The following AVIL variants were observed in gnomAD, a reference collection of about 807,000 sequenced individuals.
AVIL encodes the protein advillin.
Under a neutral mutation model 109.9 loss-of-function variants are expected in AVIL, and 78 were observed. The ratio of observed to expected loss-of-function variants is 0.71; its 90% CI spans 0.59 to 0.86. The LOEUF is 0.86. Among genes scored for constraint, AVIL ranks in the 40% least tolerant of loss-of-function variants. The pLI is 0.00. For missense variants in AVIL, 892 were observed against 1,016.5 expected (o/e 0.88, Z 1.67); for synonymous variants, 367 against 379.1 (o/e 0.97, Z 0.37).
In AVIL at chr12:57,807,590, C is replaced by G. The variant is rs747239856; in HGVS notation, c.1332G>C (p.Gln444His). Residue 444 changes from glutamine to histidine, a missense_variant and splice_region_variant, in exon 12 of 20, where the codon CAG becomes CAC. Physicochemically the swap from Gln to His is conservative, Grantham distance 24. Transcript: ENST00000549994. The part of the protein sequence containing the change: ...GKPHHILYIW[Q>H]GRHASQDELA... ...AAGCTGAAGCCTGTGCCAGGCCTACCTGCCAGATGTACAAGATGTGATGTG... is the reference window on the plus strand; with the variant it reads ...AAGCTGAAGCCTGTGCCAGGCCTACGTGCCAGATGTACAAGATGTGATGTG... The G allele has an allele frequency of 6.2e-7, 1 of 1,614,246 alleles. No individual in the cohort carries two copies. Among genetic ancestry groups the G allele is most frequent in the Non-Finnish European group, 8.5e-7 (1 of 1,180,044 alleles).
intron 17 of AVIL, 128 bp downstream of exon 17, chr12:57,802,032 T>A: frequency 9.5e-7 from 1 of 1,054,682 alleles, no homozygotes; most frequent in Non-Finnish European, 1.3e-6. Context: ...AGGCAGGGAG[T>A]GGGATGGGAG....
At position 57,808,326 on chromosome 12, in the gene AVIL, A is replaced by C. The variant is rs780398015; in HGVS notation, c.1094-32T>G. ...AGAAAGGGTTGGGAAAAGCCGAGTG[A>C]GTAAGAAGCATCTGTGCCTGCTTTT... On this transcript the variant is annotated intron_variant, in intron 10 of 19. Transcript: ENST00000549994. 21 of 1,614,024 alleles carry C rather than the reference A, an allele frequency of 1.3e-5. 1 individual carries two copies. In the South Asian group the frequency reaches 2.3e-4, roughly 18 times the overall value.
At chr12:57,800,055 T>G in intron 18 of AVIL, 135 bp from the exon 19 acceptor site, 2 of 1,178,466 alleles carry the variant, frequency 1.7e-6, no homozygotes, top group Non-Finnish European at 2.4e-6. Context: ...ATAACAATGC[T>G]CCCCAAACCT....
At position 57,813,252 on chromosome 12, in the gene AVIL, G is replaced by A. The variant is rs200470660; in HGVS notation, c.313C>T (p.Arg105Cys). 1.1e-5 allele frequency: 17 copies of A among 1,613,218 alleles called. No individual in the cohort carries two copies. Among genetic ancestry groups the A allele is most frequent in the East Asian group, 4.5e-5 (2 of 44,842 alleles). The stretch of plus-strand genomic sequence containing the variant: ...ATGATGCCCTGCTTGAAGTAGCCAC[G>A]GAAAGTGTCTGACTCATGGTACTGG... ...EVQYHESDTF[R>C]GYFKQGIIYK... is the part of the protein sequence containing the mutation. The change falls in exon 4 of 20, where the codon CGT becomes TGT. Residue 105 changes from arginine (R) to cysteine (C), a missense_variant. Transcript: ENST00000549994.
At chr12:57,810,988 G>C in intron 5 of AVIL, 31 bp downstream of exon 5, 1 of 1,612,496 alleles carries the variant, frequency 6.2e-7, no homozygotes. Context: ...GAGAAGCCCC[G>C]GGCCTGGGGC....
intron 18 of AVIL, 114 bp from the exon 19 acceptor site, chr12:57,800,034 A>T: frequency 9.0e-6 from 12 of 1,336,738 alleles, no homozygotes; most frequent in Non-Finnish European, 1.2e-5. Flanking sequence ...CACCCTCTGT[A>T]ATCATCTTTG....
rs141483208 is a variant in AVIL, at chr12:57,807,375, G to A, written c.1447C>T (p.Arg483Cys). Residue 483 changes from arginine (R) to cysteine (C), a missense_variant, in exon 13 of 20, where the codon CGC (arginine) becomes TGC (cysteine). Coordinates refer to ENST00000549994, the MANE Select transcript of AVIL (RefSeq NM_006576.4). ...QVRVRMGTEPRHFMAIFKGKL... is the reference protein window; with the variant it reads ...QVRVRMGTEPCHFMAIFKGKL... Reference sequence around the variant, plus strand: ...CCTTTGAAGATGGCCATGAAGTGGCGTGGCTCCGTTCCCATCCTGACTCGA... The same window carrying A: ...CCTTTGAAGATGGCCATGAAGTGGCATGGCTCCGTTCCCATCCTGACTCGA... 2.2e-5 allele frequency: 35 copies of A among 1,614,068 alleles called. No homozygotes were observed. The highest frequency in any genetic ancestry group is 1.6e-4 in the Middle Eastern group (1 of 6,084).
chr12:57,809,481 A>C, intron 9 of AVIL, 116 bp downstream of exon 9: 2 of 1,206,334 alleles, frequency 1.7e-6, no homozygotes, highest in Non-Finnish European at 1.2e-6. Context: ...TTTGCAGTCC[A>C]TGTACGTAAG....
In AVIL at chr12:57,807,503, A is replaced by G. The variant is rs1481244007; in HGVS notation, c.1333-14T>C. On this transcript the variant is annotated splice_polypyrimidine_tract_variant and intron_variant, in intron 12 of 19. Transcript: ENST00000549994. ...GGCGTGGCGGCCCTGCAATGGTGAG[A>G]GGCCATGAAGGACCCATGCTCCCCG... The G allele has an allele frequency of 6.2e-7, 1 of 1,614,224 alleles. No individual in the cohort carries two copies. Among genetic ancestry groups the G allele is most frequent in the Non-Finnish European group, 8.5e-7 (1 of 1,180,044 alleles).
Position 57,808,262 on chromosome 12 carries a change from G to A in AVIL, c.1126C>T (p.Leu376=), listed in dbSNP as rs767332657. Residue 376 remains leucine, a synonymous_variant, in exon 11 of 20, where the codon CTG becomes TTG. Coordinates refer to ENST00000549994, the MANE Select transcript of AVIL (RefSeq NM_006576.4). ...GCTACCTCTGGCTTGGTGTGTAGCA[G>A]AGTCACATCAAATTTATCCTGGAAA... ...KVFQDKFDVT[L]LHTKPEVAAQ... The A allele has an allele frequency of 2.5e-6, 4 of 1,614,086 alleles. No homozygotes were observed. The African/African-American group carries it at 4.0e-5, about 16-fold the overall frequency.
intron 4 of AVIL, among the ~76,000 whole-genome samples, chr12:57,813,011 T>G (rs1448766954): frequency 6.6e-6 from 1 of 152,194 alleles, no homozygotes; most frequent in Non-Finnish European, 1.5e-5. Context: ...TAGTCCACAC[T>G]TCCATCAGCA....
chr12:57,817,455 G>A (rs947404096), intron 1 of AVIL, among the ~76,000 whole-genome samples: 4 of 151,560 alleles, frequency 2.6e-5, no homozygotes, highest in African/African-American at 4.9e-5. Flanking sequence ...GCAATGGTGC[G>A]GAGCAGCCAG....
intron 13 of AVIL, 77 bp downstream of exon 13, chr12:57,807,254 C>G: frequency 6.3e-7 from 1 of 1,597,348 alleles, no homozygotes; most frequent in Non-Finnish European, 8.6e-7. Context: ...CCCTCCTCTG[C>G]TCTCCAATAG....
intron 4 of AVIL, among the ~76,000 whole-genome samples, chr12:57,812,588 C>T (rs541900750): frequency 6.6e-6 from 1 of 150,672 alleles, no homozygotes; most frequent in East Asian, 2.0e-4. Flanking sequence ...TCTTGAACTC[C>T]TGACCTCGTG....
At chr12:57,801,262 G>A (rs1186598829) in intron 17 of AVIL, 50 bp from the exon 18 acceptor site, 2 of 1,496,544 alleles carry the variant, frequency 1.3e-6, no homozygotes, top group Non-Finnish European at 1.9e-6. Context: ...TTATAGGGGA[G>A]GGACATCTTA....
chr12:57,810,559 AGAAGCCCAAG>A lies in AVIL; in HGVS notation c.559-18_559-9del. ...CTTTGCCAGAAGCATAGCCTGTCAA[AGAAGCCCAAG>A]GAAGCCCTCAGCTCCTCTGGGACCC... On this transcript the variant is annotated splice_polypyrimidine_tract_variant and intron_variant, in intron 6 of 19. Coordinates refer to ENST00000549994, the MANE Select transcript of AVIL (RefSeq NM_006576.4). The A allele has an allele frequency of 6.2e-7, 1 of 1,608,678 alleles. No individual in the cohort carries two copies. Among genetic ancestry groups the A allele is most frequent in the Non-Finnish European group, 8.5e-7 (1 of 1,179,952 alleles).
chr12:57,800,348 A>G (rs1446798417), intron 18 of AVIL: 3 of 160,708 alleles, frequency 1.9e-5, no homozygotes, highest in Middle Eastern at 3.2e-3. Context: ...GTAGAGCACA[A>G]AGGACAGAAT....
intron 14 of AVIL, chr12:57,804,157 C>G (rs1955904866): frequency 6.5e-6 from 1 of 154,112 alleles, no homozygotes; most frequent in South Asian, 2.0e-4. Context: ...TCCTTAACCT[C>G]TGGTAACCAT....
chr12:57,810,039 G>A (rs1180147542), intron 7 of AVIL, 149 bp from the exon 8 acceptor site: 1 of 805,052 alleles, frequency 1.2e-6, no homozygotes. Context: ...GGACAGGAAT[G>A]TGCAGACTCT....
Sources: allele counts gnomAD v4.1 joint callset (sites outside exome capture counted in the v4.1 genomes callset), GRCh38; gene constraint gnomAD v4.1.1; transcripts MANE v1.5; gene names NCBI Gene and HGNC (gene_info 2026-07-23, HGNC 2026-07-21).